The following MAF variants were observed in gnomAD, a reference collection of about 807,000 sequenced individuals.
MAF encodes transcription factor Maf.
Under a neutral mutation model 22.0 loss-of-function variants are expected in MAF, and 10 were observed. The observed-to-expected ratio is 0.45, with a 90% confidence interval of 0.28 to 0.77. The LOEUF (loss-of-function observed/expected upper bound fraction) is 0.77, where lower values mean the gene tolerates loss of function less well. Ranked by LOEUF, MAF falls within the 30% of genes least tolerant of loss-of-function variation. The pLI is 0.12. For missense variants in MAF, 544 were observed against 548.4 expected, an observed-to-expected ratio of 0.99 and a Z score of 0.08; for synonymous variants, 337 against 255.8, an observed-to-expected ratio of 1.32 and a Z score of -3.03.
At chr16:79,523,423 T>C in the MAF span, among the ~76,000 whole-genome samples, 1 of 152,230 alleles carries the variant, frequency 6.6e-6, no homozygotes, top group African/African-American at 2.4e-5. Context: ...AAAATAACTT[T>C]CACACATGTT....
chr16:79,594,363 A>G lies in MAF; in HGVS notation c.*97T>C. 1 of 1,052,220 alleles carries G rather than the reference A, an allele frequency of 9.5e-7. No homozygotes were observed. The highest frequency in any genetic ancestry group is 2.1e-4 in the Middle Eastern group (1 of 4,878). 65.2% of individuals were successfully genotyped at this position (1,052,220 alleles called of 1,614,324 possible). On this transcript the variant is annotated 3_prime_UTR_variant, in exon 2 of 2. Transcript: ENST00000326043. ...CTAACACAGTAATTTTTATTTAAAA[A>G]GGAGACTAAACAGAAGTCAGGGGTA...
chr16:79,385,360 C>G, the MAF span, among the ~76,000 whole-genome samples: 4 of 152,178 alleles, frequency 2.6e-5, no homozygotes, highest in Non-Finnish European at 5.9e-5. Context: ...TGAATTTTGT[C>G]TCTGCCCGAG....
intron 1 of MAF, chr16:79,598,504 G>C (rs1274770385): frequency 2.2e-6 from 3 of 1,347,378 alleles, no homozygotes; most frequent in Non-Finnish European, 1.9e-6. Context: ...TTTCAGATTG[G>C]CAATCCATGA....
At chr16:79,425,256 G>A in the MAF span, among the ~76,000 whole-genome samples, 1 of 152,016 alleles carries the variant, frequency 6.6e-6, no homozygotes, top group South Asian at 2.1e-4. Flanking sequence ...TTGTGATGGA[G>A]GTTCCTGTGG....
the MAF span, among the ~76,000 whole-genome samples, chr16:79,386,157 C>T: frequency 6.6e-6 from 1 of 152,144 alleles, no homozygotes; most frequent in Non-Finnish European, 1.5e-5. Context: ...TTGTTGAGGG[C>T]ATAGTTTTGG....
the MAF span, among the ~76,000 whole-genome samples, chr16:79,442,879 TA>T: frequency 1.3e-3 from 195 of 152,300 alleles, no homozygotes; most frequent in African/African-American, 4.4e-3. Flanking sequence ...GTCCTGGCTG[TA>T]ATGGGTACTC....
the MAF span, among the ~76,000 whole-genome samples, chr16:79,577,876 C>A: frequency 7.9e-5 from 12 of 152,114 alleles, no homozygotes; most frequent in African/African-American, 2.4e-4. Flanking sequence ...CTTCCATCGA[C>A]CCCTTTTTCT....
the MAF span, among the ~76,000 whole-genome samples, chr16:79,417,879 T>A: frequency 3.9e-5 from 6 of 152,124 alleles, no homozygotes; most frequent in Non-Finnish European, 5.9e-5. Context: ...CGATAACGCA[T>A]CCGTATTTTC....
At chr16:79,341,311 A>G in the MAF span, among the ~76,000 whole-genome samples, 1 of 152,148 alleles carries the variant, frequency 6.6e-6, no homozygotes, top group Non-Finnish European at 1.5e-5. Context: ...CCTGTCTTGT[A>G]TAGCGCTATG....
At chr16:79,559,394 A>G in the MAF span, among the ~76,000 whole-genome samples, 1 of 152,202 alleles carries the variant, frequency 6.6e-6, no homozygotes, top group African/African-American at 2.4e-5. Flanking sequence ...AGGCATGACA[A>G]CTGGTGAAAA....
At chr16:79,414,711 A>G in the MAF span, among the ~76,000 whole-genome samples, 5 of 152,364 alleles carry the variant, frequency 3.3e-5, no homozygotes, top group South Asian at 1.0e-3. Context: ...AATCATAAGG[A>G]AAGATGCAGC....
At chr16:79,580,641 C>T in the MAF span, among the ~76,000 whole-genome samples, 1 of 152,060 alleles carries the variant, frequency 6.6e-6, no homozygotes, top group Non-Finnish European at 1.5e-5. Flanking sequence ...CTGAGTGGCC[C>T]CAGCTCCACG....
the MAF span, among the ~76,000 whole-genome samples, chr16:79,314,846 C>A: frequency 6.6e-6 from 1 of 152,158 alleles, no homozygotes; most frequent in African/African-American, 2.4e-5. Flanking sequence ...CATGAGCCTC[C>A]CTGAGCCTCC....
the MAF span, among the ~76,000 whole-genome samples, chr16:79,213,237 G>A: frequency 6.6e-6 from 1 of 152,186 alleles, no homozygotes. Context: ...GATCATGGCA[G>A]CTTCAGGCCA....
the MAF span, among the ~76,000 whole-genome samples, chr16:79,412,959 G>C: frequency 6.6e-6 from 1 of 152,210 alleles, no homozygotes; most frequent in African/African-American, 2.4e-5. Context: ...CAGCATCTGT[G>C]AGAGTTAAAG....
chr16:79,400,204 T>G, the MAF span, among the ~76,000 whole-genome samples: 4 of 152,156 alleles, frequency 2.6e-5, no homozygotes, highest in African/African-American at 9.7e-5. Context: ...AAGAATGAAT[T>G]GTCCCAAAAT....
the MAF span, among the ~76,000 whole-genome samples, chr16:79,456,728 A>T: frequency 7.8e-4 from 119 of 152,272 alleles, no homozygotes; most frequent in Non-Finnish European, 1.6e-3. Context: ...CACACCCTAG[A>T]AACAGCCCTT....
intron 1 of MAF, 71 bp downstream of exon 1, chr16:79,598,714 G>A: frequency 6.2e-7 from 1 of 1,602,536 alleles, no homozygotes; most frequent in Non-Finnish European, 8.5e-7. Context: ...GAACTAGCAA[G>A]CCCACACCCG....
At chr16:79,211,192 C>G in the MAF span, among the ~76,000 whole-genome samples, 1 of 152,092 alleles carries the variant, frequency 6.6e-6, no homozygotes, top group African/African-American at 2.4e-5. Flanking sequence ...GTTGGTTTGT[C>G]AGACAGAAGG....
Sources: allele counts gnomAD v4.1 joint callset (sites outside exome capture counted in the v4.1 genomes callset), GRCh38; gene constraint gnomAD v4.1.1; transcripts MANE v1.5; gene names NCBI Gene and HGNC (gene_info 2026-07-23, HGNC 2026-07-21).